CFAP46: variants seen among roughly 807,000 people sequenced by gnomAD.
CFAP46 encodes cilia and flagella associated protein 46, also known as cilia- and flagella-associated protein 46.
CFAP46 carries 245 observed loss-of-function variants against 325.7 expected under a neutral mutation model. The observed-to-expected ratio is 0.75, with a 90% CI of 0.68 to 0.84. The LOEUF (loss-of-function observed/expected upper bound fraction) is 0.84, where lower values mean the gene tolerates loss of function less well. Among genes scored for constraint, CFAP46 ranks in the 40% least tolerant of loss-of-function variants. CFAP46 has a pLI of 0.00. For missense variants in CFAP46, 3,346 were observed against 3,543.0 expected (o/e 0.94, Z 1.41); for synonymous variants, 1,523 against 1,495.9 (o/e 1.02, Z -0.42).
chr10:132,896,529 C>A (rs12256274), intron 24 of CFAP46, among the ~76,000 whole-genome samples: 1,894 of 152,214 alleles, frequency 0.012, 37 homozygotes, highest in African/African-American at 0.042. Flanking sequence ...ATAAATCTAA[C>A]CAAAGAGGTG....
rs1283737262 is a variant in CFAP46, at chr10:132,919,879, G to C, written c.1730+180C>G. ...CGTGGCTGTCATCACAGGCTGGGGG[G>C]TCCCGTCTGTGGCGGGACTCCCAGG... On this transcript the variant is annotated intron_variant, in intron 14 of 57. Transcript: ENST00000368586. This position sits in a 1 kb window ranked among gnomAD's most constrained non-coding sequence, Gnocchi z 9.7. Among the ~76,000 whole-genome samples, 1 of 152,124 alleles carries C rather than the reference G, an allele frequency of 6.6e-6. No homozygotes were observed. Among genetic ancestry groups the C allele is most frequent in the African/African-American group, 2.4e-5 (1 of 41,432 alleles).
intron 9 of CFAP46, among the ~76,000 whole-genome samples, chr10:132,928,594 C>T (rs1016876634): frequency 1.4e-4 from 21 of 152,314 alleles, no homozygotes; most frequent in Non-Finnish European, 2.4e-4. Flanking sequence ...GTGTCTCCTG[C>T]GCCACTGATG....
intron 28 of CFAP46, among the ~76,000 whole-genome samples, chr10:132,880,291 C>T (rs1849020601): frequency 6.6e-6 from 1 of 152,238 alleles, no homozygotes; most frequent in African/African-American, 2.4e-5. Flanking sequence ...AGTGTTTAAG[C>T]CCTGGATGAT....
intron 57 of CFAP46, among the ~76,000 whole-genome samples, chr10:132,810,195 C>T (rs182450024): frequency 2.0e-5 from 3 of 152,196 alleles, no homozygotes; most frequent in African/African-American, 4.8e-5. Context: ...GGTCGCGCCA[C>T]GGTGGGGGGC....
At position 132,847,191 on chromosome 10, in the gene CFAP46, AG is replaced by A. The variant is rs1335368334; in HGVS notation, c.6082del (p.Leu2028Ter). Reference sequence around the variant, plus strand: ...GGGCAGGAGGGGCAGCCGCACCTTCAGGTCCTCGCCTCTCCTGCAGTGCTCC... The same window carrying A: ...GGGCAGGAGGGGCAGCCGCACCTTCAGTCCTCGCCTCTCCTGCAGTGCTCC... ...PEEHCRRGED[L>X]KRRMVLAQQY... On this transcript the variant is annotated frameshift_variant, in exon 42 of 58. Coordinates refer to ENST00000368586, the MANE Select transcript of CFAP46 (RefSeq NM_001200049.3). LOFTEE classifies it high-confidence loss of function. This position sits in a 1 kb window ranked among gnomAD's most constrained non-coding sequence, Gnocchi z 5.2. The A allele has an allele frequency of 1.2e-6, 2 of 1,611,440 alleles. No individual in the cohort carries two copies. Among genetic ancestry groups the A allele is most frequent in the Non-Finnish European group, 1.7e-6 (2 of 1,179,398 alleles).
At chr10:132,866,446 T>C in intron 34 of CFAP46, among the ~76,000 whole-genome samples, 1 of 152,288 alleles carries the variant, frequency 6.6e-6, no homozygotes, top group Non-Finnish European at 1.5e-5. Flanking sequence ...AGCCCACCAC[T>C]AGCCACGTAG....
In CFAP46 at chr10:132,835,134, C is replaced by T. The variant is rs924200329; in HGVS notation, c.6744+170G>A. Among the ~76,000 whole-genome samples, 5 of 152,260 alleles carry T rather than the reference C, an allele frequency of 3.3e-5. No individual in the cohort carries two copies. The East Asian group carries it at 9.6e-4, about 29-fold the overall frequency. On this transcript the variant is annotated intron_variant, in intron 47 of 57. Transcript: ENST00000368586. ...GCCCAAGGAGCAAGTTCTCCCCCCA[C>T]ATGGAGCTTGGCCTGGGAGTTGGGC...
intron 50 of CFAP46, among the ~76,000 whole-genome samples, chr10:132,820,692 TGCTGATGTGTGCTGTGTGTGC>T (rs1459470451): frequency 0.073 from 8,200 of 113,076 alleles, 1,456 homozygotes; most frequent in Admixed American, 0.14. Flanking sequence ...GTGCTGTGTG[TGCTGATGTGTGCTGTGTGTGC>T]GCTGATGTGT....
chr10:132,879,282 G>A (rs72855760), intron 29 of CFAP46, 144 bp downstream of exon 29: 206 of 769,430 alleles, frequency 2.7e-4, no homozygotes, highest in African/African-American at 6.2e-4. Context: ...TCTGGATGTC[G>A]CAGGAAATTG....
chr10:132,918,463 A>G lies in CFAP46; in HGVS notation c.1916T>C (p.Val639Ala). ...GGGGCACACCTGCCTCTGCAGGACG[A>G]CCTCAGGCTGGCTCCAGGTGTCCTG... is the stretch of plus-strand genomic sequence containing the variant. The part of the protein sequence containing the change: ...SVQDTWSQPE[V>A]VLQRQVCPDL... The change falls in exon 16 of 58, where the codon GTC becomes GCC. Residue 639 changes from valine to alanine, a missense_variant. Transcript: ENST00000368586. 6.5e-7 allele frequency: 1 copy of G among 1,548,468 alleles called. No individual in the cohort carries two copies. The highest frequency in any genetic ancestry group is 8.7e-7 in the Non-Finnish European group (1 of 1,145,374).
intron 50 of CFAP46, among the ~76,000 whole-genome samples, chr10:132,823,227 T>G (rs1591035608): frequency 8.3e-6 from 1 of 119,822 alleles, no homozygotes. Flanking sequence ...GTGCTGTGTG[T>G]GTGCTGTGTG....
intron 37 of CFAP46, among the ~76,000 whole-genome samples, chr10:132,859,832 T>C (rs1317304892): frequency 6.6e-6 from 1 of 152,184 alleles, no homozygotes; most frequent in Non-Finnish European, 1.5e-5. Context: ...GAGCCTGTGA[T>C]TCTGATTTAG....
chr10:132,928,099 C>A (rs563037515), intron 9 of CFAP46, among the ~76,000 whole-genome samples: 1 of 152,194 alleles, frequency 6.6e-6, no homozygotes, highest in African/African-American at 2.4e-5. Flanking sequence ...AGCGACCCCA[C>A]GTCAGCAGGG....
Position 132,881,015 on chromosome 10 carries a change from C to T in CFAP46, c.3645G>A (p.Trp1215Ter). Residue 1215 changes from tryptophan to a stop codon, truncating the protein, a stop_gained, in exon 28 of 58, where the codon TGG (tryptophan) becomes TGA (stop). Transcript: ENST00000368586. LOFTEE classifies it high-confidence loss of function. ...IQALQKPEME[W>*]QKVEYLMEFG... ...ACTCCATGAGGTACTCCACCTTCTG[C>T]CACTCCATCTCAGGCTTCTGTGGGA... 1.9e-6 allele frequency: 3 copies of T among 1,550,466 alleles called. No individual in the cohort carries two copies. The highest frequency in any genetic ancestry group is 4.9e-5 in the East Asian group (2 of 40,914).
chr10:132,821,242 G>GA (rs1847811407), intron 50 of CFAP46, among the ~76,000 whole-genome samples: 1 of 117,900 alleles, frequency 8.5e-6, no homozygotes, highest in Admixed American at 8.9e-5. Flanking sequence ...GATGTGTGCT[G>GA]TGTGTGTGCT....
intron 25 of CFAP46, among the ~76,000 whole-genome samples, chr10:132,891,087 C>T (rs1216552188): frequency 6.6e-6 from 1 of 152,114 alleles, no homozygotes; most frequent in African/African-American, 2.4e-5. Context: ...TGTGTGTCCA[C>T]GTTTTTTGTG....
chr10:132,855,376 A>G (rs747905922), intron 39 of CFAP46, among the ~76,000 whole-genome samples: 1 of 152,090 alleles, frequency 6.6e-6, no homozygotes, highest in Non-Finnish European at 1.5e-5. Context: ...AGCATGGTAC[A>G]TTTTTTCCAT....
intron 55 of CFAP46, among the ~76,000 whole-genome samples, chr10:132,811,686 C>T (rs1362775092): frequency 2.0e-5 from 3 of 152,226 alleles, no homozygotes; most frequent in Admixed American, 2.0e-4. Context: ...TGGGGGAGCC[C>T]TGGCGAGGCC....
Position 132,847,177 on chromosome 10 carries a change from G to A in CFAP46, c.6087+10C>T, listed in dbSNP as rs774168420. 4.3e-6 allele frequency: 7 copies of A among 1,609,644 alleles called. No homozygotes were observed. In the Admixed American group the frequency reaches 5.0e-5, roughly 12 times the overall value. On this transcript the variant is annotated intron_variant, in intron 42 of 57. Transcript: ENST00000368586. This position sits in a 1 kb window ranked among gnomAD's most constrained non-coding sequence, Gnocchi z 5.2. ...AGAGGCCACACGAGGGGCAGGAGGGGCAGCCGCACCTTCAGGTCCTCGCCT... is the reference window on the plus strand; with the variant it reads ...AGAGGCCACACGAGGGGCAGGAGGGACAGCCGCACCTTCAGGTCCTCGCCT...
Sources: gnomAD v4.1 joint callset for allele counts (sites outside exome capture counted in the v4.1 genomes callset) on GRCh38, gnomAD v4.1.1 for gene constraint, Gnocchi (gnomAD v3.1) non-coding constraint, MANE v1.5 for transcripts, NCBI Gene and HGNC (gene_info 2026-07-23, HGNC 2026-07-21) for gene names.